The following NPAT variants were observed in gnomAD, a reference collection of about 807,000 sequenced individuals.
NPAT encodes the protein nuclear protein, coactivator of histone transcription.
In NPAT, 52 loss-of-function variants were observed where a neutral mutation model predicts 130.7. That is an observed-to-expected ratio of 0.40 (90% CI 0.32 to 0.50). The LOEUF (loss-of-function observed/expected upper bound fraction) is 0.50, where lower values mean the gene tolerates loss of function less well. Ranked by LOEUF, NPAT falls within the 20% of genes least tolerant of loss-of-function variation. The probability of loss-of-function intolerance (pLI) is 0.68; values close to 1 mark genes in which losing one functional copy is unlikely to be tolerated. For missense variants in NPAT, 1,687 were observed against 1,662.6 expected, an observed-to-expected ratio of 1.01 and a Z score of -0.26; for synonymous variants, 580 against 584.8, an observed-to-expected ratio of 0.99 and a Z score of 0.12.
chr11:108,173,204 T>G lies in NPAT; in HGVS notation c.1780A>C (p.Asn594His), dbSNP rs1195200301. Residue 594 changes from asparagine to histidine, a missense_variant, in exon 13 of 18, where the codon AAT (asparagine) becomes CAT (histidine). Asn to His is a moderately conservative substitution (Grantham distance 68). Transcript: ENST00000278612. ...VLEPVMSQLSNCQDNSCLQSE... is the reference protein window; with the variant it reads ...VLEPVMSQLSHCQDNSCLQSE... ...TGAAGACAAGAATTATCTTGGCAAT[T>G]TGATAGCTGTGACATAACTGGTTCT... 6.2e-7 allele frequency: 1 copy of G among 1,613,784 alleles called. No homozygotes were observed. Among genetic ancestry groups the G allele is most frequent in the Non-Finnish European group, 8.5e-7 (1 of 1,179,900 alleles).
intron 7 of NPAT, 142 bp from the exon 8 acceptor site, chr11:108,186,711 G>T: frequency 1.5e-6 from 1 of 685,420 alleles, no homozygotes; most frequent in Non-Finnish European, 2.5e-6. Context: ...CTGGTTTCAG[G>T]ACCCCCAAGG....
At chr11:108,174,409 A>C (rs1055972090) in intron 12 of NPAT, among the ~76,000 whole-genome samples, 2 of 152,170 alleles carry the variant, frequency 1.3e-5, no homozygotes, top group African/African-American at 4.8e-5. Flanking sequence ...TGGGATACAA[A>C]GATGAATGAT....
At chr11:108,207,707 C>A (rs1421742795) in intron 1 of NPAT, among the ~76,000 whole-genome samples, 2 of 152,206 alleles carry the variant, frequency 1.3e-5, no homozygotes, top group East Asian at 1.9e-4. Context: ...CGCTTCCAAG[C>A]CTGCAGGGAA....
intron 3 of NPAT, among the ~76,000 whole-genome samples, chr11:108,193,684 C>G (rs2078192622): frequency 6.6e-6 from 1 of 151,944 alleles, no homozygotes; most frequent in Non-Finnish European, 1.5e-5. Flanking sequence ...GAGATTACGC[C>G]ACTGCACTCC....
rs908101368 is a variant in NPAT at position 108,172,462 on chromosome 11, G to T, written c.2522C>A (p.Pro841Gln). Reference protein sequence around the residue: ...DGIAFSANVTPCVSKDGGYIQ... With the variant: ...DGIAFSANVTQCVSKDGGYIQ... ...ATATCCTCCATCCTTGGAAACACAT[G>T]GTGTAACATTAGCTGAAAAAGCAAT... Residue 841 changes from proline (P) to glutamine (Q), a missense_variant, in exon 13 of 18, where the codon CCA becomes CAA. Pro to Gln is a moderately conservative substitution (Grantham distance 76). Around this residue, in one of 3 missense-constraint regions of NPAT, gnomAD observed 1,379 missense variants for 1,346.6 expected, o/e 1.02. Transcript: ENST00000278612. The T allele has an allele frequency of 6.2e-7, 1 of 1,614,010 alleles. No homozygotes were observed. Among genetic ancestry groups the T allele is most frequent in the African/African-American group, 1.3e-5 (1 of 74,920 alleles).
intron 5 of NPAT, among the ~76,000 whole-genome samples, chr11:108,189,722 T>C (rs1158151837): frequency 6.7e-6 from 1 of 150,360 alleles, no homozygotes; most frequent in Non-Finnish European, 1.5e-5. Context: ...TACAAAAAAT[T>C]AGCCGGGCGT....
chr11:108,162,099 T>C (rs2077857831), intron 16 of NPAT, 21 bp downstream of exon 16: 1 of 1,613,090 alleles, frequency 6.2e-7, no homozygotes, highest in South Asian at 1.1e-5. Context: ...CAATCTATGA[T>C]AGAAACTACT....
rs531971215 is a variant in NPAT at position 108,208,717 on chromosome 11, C to T, written c.38-11297G>A. 4.2e-4 allele frequency: 115 copies of T among 275,514 alleles called. 1 individual carries two copies. The highest frequency in any genetic ancestry group is 2.4e-3 in the African/African-American group (106 of 43,610). 17.1% of individuals were successfully genotyped at this position (275,514 alleles called of 1,614,324 possible). A position where few individuals can be genotyped will look rare whatever the true frequency, so the allele number is the denominator to read the frequency against. ...ATAATTCAACAATAAAAGTTGAAGG[C>T]TTCTATACCACACTTTCAGTAATAC... On this transcript the variant is annotated intron_variant, in intron 1 of 17. Transcript: ENST00000278612.
intron 1 of NPAT, among the ~76,000 whole-genome samples, chr11:108,209,392 G>C (rs1238296893): frequency 1.3e-5 from 2 of 151,818 alleles, no homozygotes; most frequent in South Asian, 2.1e-4. Flanking sequence ...AGTACCATGA[G>C]GTGAGGAATT....
Position 108,157,692 on chromosome 11 carries a change from T to C in NPAT, c.*1250A>G, listed in dbSNP as rs190734772. ...CACCTGTAGAAAAAAATCCCTAATA[T>C]ACTGATATTTAATTGAACGGAAAGT... On this transcript the variant is annotated 3_prime_UTR_variant, in exon 18 of 18. Coordinates refer to ENST00000278612, the MANE Select transcript of NPAT (RefSeq NM_002519.3). 6.6e-6 allele frequency: 1 copy of C among 152,370 alleles called. No individual in the cohort carries two copies. The highest frequency in any genetic ancestry group is 1.9e-4 in the East Asian group (1 of 5,186). 9.4% of individuals were successfully genotyped at this position (152,370 alleles called of 1,614,324 possible).
At chr11:108,167,193 C>A (rs2077909384) in intron 15 of NPAT, among the ~76,000 whole-genome samples, 1 of 152,034 alleles carries the variant, frequency 6.6e-6, no homozygotes, top group African/African-American at 2.4e-5. Context: ...GTTTAATTCC[C>A]TCTCTTCAAA....
At chr11:108,214,116 G>C (rs918041742) in intron 1 of NPAT, among the ~76,000 whole-genome samples, 1 of 152,060 alleles carries the variant, frequency 6.6e-6, no homozygotes, top group East Asian at 1.9e-4. Context: ...GGCTGGTCTC[G>C]CTCCCCTGGC....
At chr11:108,212,793 A>G (rs1208770900) in intron 1 of NPAT, among the ~76,000 whole-genome samples, 5 of 151,340 alleles carry the variant, frequency 3.3e-5, no homozygotes, top group African/African-American at 9.7e-5. Context: ...AAAAATACAA[A>G]AAAATGAGCC....
intron 1 of NPAT, among the ~76,000 whole-genome samples, chr11:108,211,036 T>C (rs570353006): frequency 2.6e-5 from 4 of 151,750 alleles, no homozygotes; most frequent in African/African-American, 4.8e-5. Flanking sequence ...CTGGCCAACA[T>C]GGTGAAAACC....
intron 10 of NPAT, among the ~76,000 whole-genome samples, chr11:108,183,390 C>A (rs982571362): frequency 6.6e-6 from 1 of 152,132 alleles, no homozygotes; most frequent in Non-Finnish European, 1.5e-5. Context: ...ACTCAGAATT[C>A]AATTGAAAGA....
chr11:108,171,207 T>G (rs2077947541), intron 13 of NPAT: 1 of 140,894 alleles, frequency 7.1e-6, no homozygotes, highest in Non-Finnish European at 1.5e-5. Context: ...CTTGGCTCAC[T>G]GCAACCTCTG....
At chr11:108,220,265 T>C (rs1267468095) in intron 1 of NPAT, among the ~76,000 whole-genome samples, 2 of 152,160 alleles carry the variant, frequency 1.3e-5, no homozygotes, top group Non-Finnish European at 1.5e-5. Context: ...GAGTGCAGTA[T>C]CCTGAAGGAT....
rs373970446 is a variant in NPAT, at chr11:108,172,948, T to G, written c.2036A>C (p.Asn679Thr). 2.3e-5 allele frequency: 37 copies of G among 1,614,046 alleles called. No homozygotes were observed. Among genetic ancestry groups the G allele is most frequent in the Admixed American group, 3.3e-5 (2 of 59,998 alleles). Reference sequence around the variant, plus strand: ...CAGTGCAACTTTCTCACAGTTAGCATTTCCACCTAAAGAGAGAAAAATAGT... The same window carrying G: ...CAGTGCAACTTTCTCACAGTTAGCAGTTCCACCTAAAGAGAGAAAAATAGT... ...ENTIFLSLGG[N>T]ANCEKVALTP... Residue 679 changes from asparagine (N) to threonine (T), a missense_variant, in exon 13 of 18, where the codon AAT becomes ACT. This residue lies in a region of NPAT where 1,379 missense variants were observed against 1,346.6 expected (regional missense o/e 1.02). Coordinates refer to ENST00000278612, the MANE Select transcript of NPAT (RefSeq NM_002519.3).
intron 1 of NPAT, among the ~76,000 whole-genome samples, chr11:108,219,597 A>C (rs1224445332): frequency 6.6e-6 from 1 of 152,228 alleles, no homozygotes; most frequent in East Asian, 1.9e-4. Flanking sequence ...TTCATCCATG[A>C]CTAAGACTAC....
Sources: gnomAD v4.1 joint callset for allele counts (sites outside exome capture counted in the v4.1 genomes callset) on GRCh38, gnomAD v4.1.1 for gene constraint, gnomAD v4.1.1 regional missense constraint, MANE v1.5 for transcripts, NCBI Gene and HGNC (gene_info 2026-07-23, HGNC 2026-07-21) for gene names.